Variants in GNA14 observed in about 807,000 individuals in gnomAD.
GNA14 encodes guanine nucleotide-binding protein subunit alpha-14.
A neutral mutation model predicts 42.0 loss-of-function variants in GNA14; 50 were observed. The ratio of observed to expected loss-of-function variants is 1.19; its 90% CI spans 0.95 to 1.51. The LOEUF (loss-of-function observed/expected upper bound fraction) is 1.51. GNA14 is among the 40% of genes most tolerant of loss of function. The pLI is 0.00. For synonymous variants in GNA14, 173 were observed against 163.1 expected (o/e 1.06, Z -0.46); for missense variants, 473 against 446.2 (o/e 1.06, Z -0.54).
chr9:77,582,708 C>T (rs957485450), intron 1 of GNA14, among the ~76,000 whole-genome samples: 3 of 152,196 alleles, frequency 2.0e-5, no homozygotes, highest in Non-Finnish European at 2.9e-5. Flanking sequence ...CTCCTGTCAT[C>T]GGTCTGATAT....
At chr9:77,485,351 T>C (rs562762291) in intron 2 of GNA14, among the ~76,000 whole-genome samples, 2 of 152,346 alleles carry the variant, frequency 1.3e-5, no homozygotes, top group African/African-American at 4.8e-5. Context: ...AGTTACATCT[T>C]CAGGCTCCAC....
At chr9:77,437,590 G>A (rs1022308479) in intron 2 of GNA14, among the ~76,000 whole-genome samples, 2 of 150,920 alleles carry the variant, frequency 1.3e-5, no homozygotes, top group African/African-American at 4.9e-5. Flanking sequence ...GGAAGGGAAG[G>A]GAAGGGAAGC....
chr9:77,498,037 A>C (rs1241736970), intron 2 of GNA14, among the ~76,000 whole-genome samples: 1 of 152,044 alleles, frequency 6.6e-6, no homozygotes, highest in Non-Finnish European at 1.5e-5. Flanking sequence ...AAATTAACTG[A>C]CCTCTTTGTT....
chr9:77,491,805 C>T (rs1029741463), intron 2 of GNA14, among the ~76,000 whole-genome samples: 2 of 152,282 alleles, frequency 1.3e-5, no homozygotes, highest in African/African-American at 2.4e-5. Context: ...ACACATTAGA[C>T]CAAATAGGCC....
intron 1 of GNA14, among the ~76,000 whole-genome samples, chr9:77,615,902 T>C (rs1460612228): frequency 6.6e-6 from 1 of 151,922 alleles, no homozygotes; most frequent in Admixed American, 6.6e-5. Context: ...GTAGATAACA[T>C]AGAGTCAAAG....
intron 2 of GNA14, among the ~76,000 whole-genome samples, chr9:77,473,011 C>G (rs1452344003): frequency 1.3e-5 from 2 of 152,162 alleles, no homozygotes; most frequent in African/African-American, 4.8e-5. Context: ...CTGACTAAAA[C>G]AACTAGTAAT....
chr9:77,479,678 A>C (rs1287226261), intron 2 of GNA14, among the ~76,000 whole-genome samples: 1 of 152,184 alleles, frequency 6.6e-6, no homozygotes, highest in African/African-American at 2.4e-5. Context: ...CTTCCTACTC[A>C]TGAACATGGA....
intron 1 of GNA14, among the ~76,000 whole-genome samples, chr9:77,557,015 C>T (rs1822794132): frequency 1.3e-5 from 2 of 152,160 alleles, no homozygotes; most frequent in East Asian, 1.9e-4. Flanking sequence ...TGGGTTACCA[C>T]GGTTAAGAAG....
At chr9:77,633,102 C>T (rs777780366) in intron 1 of GNA14, among the ~76,000 whole-genome samples, 6 of 152,260 alleles carry the variant, frequency 3.9e-5, no homozygotes, top group Non-Finnish European at 7.4e-5. Flanking sequence ...TCTCTACACT[C>T]ATAAAATTTA....
chr9:77,608,718 A>T (rs936477700), intron 1 of GNA14, among the ~76,000 whole-genome samples: 4 of 143,680 alleles, frequency 2.8e-5, no homozygotes, highest in African/African-American at 1.0e-4. Context: ...ACAATGTACG[A>T]AGCCCAATAT....
chr9:77,428,222 G>A (rs1454654996), intron 5 of GNA14, among the ~76,000 whole-genome samples: 1 of 151,826 alleles, frequency 6.6e-6, no homozygotes, highest in African/African-American at 2.4e-5. Context: ...GGGACTACAG[G>A]CGCCCACCAC....
chr9:77,473,696 C>G (rs368471378), intron 2 of GNA14, among the ~76,000 whole-genome samples: 9 of 141,448 alleles, frequency 6.4e-5, no homozygotes, highest in African/African-American at 2.4e-4. Flanking sequence ...ATAGCCAAAA[C>G]AAGGTTTTTT....
rs764737417 is a variant in GNA14 at position 77,644,437 on chromosome 9, C to CAAAAAAAAAAAAAAAAAAAAAAAA, written c.124+3209_124+3232dup. ...TACTGAACTCCAACCTAAAGAGTGT[C>CAAAAAAAAAAAAAAAAAAAAAAAA]AAAAAAAAAAAAAAAAAAAAAAAAA... On this transcript the variant is annotated intron_variant, in intron 1 of 6. Coordinates refer to ENST00000341700, the MANE Select transcript of GNA14 (RefSeq NM_004297.4). Among the ~76,000 whole-genome samples the CAAAAAAAAAAAAAAAAAAAAAAAA allele has an allele frequency of 7.3e-4, 25 of 34,022 alleles. 2 individuals carry two copies. Among genetic ancestry groups the CAAAAAAAAAAAAAAAAAAAAAAAA allele is most frequent in the South Asian group, 1.7e-3 (1 of 576 alleles). 22.3% of individuals were successfully genotyped at this position (34,022 alleles called of 152,430 possible). A position where few individuals can be genotyped will look rare whatever the true frequency, so the allele number is the denominator to read the frequency against.
intron 5 of GNA14, among the ~76,000 whole-genome samples, chr9:77,427,095 A>C (rs888154172): frequency 6.6e-6 from 1 of 152,222 alleles, no homozygotes; most frequent in Non-Finnish European, 1.5e-5. Flanking sequence ...GATATAATAC[A>C]TATCTACAAC....
At chr9:77,493,695 C>CT (rs1836824998) in intron 2 of GNA14, among the ~76,000 whole-genome samples, 1 of 152,016 alleles carries the variant, frequency 6.6e-6, no homozygotes, top group African/African-American at 2.4e-5. Flanking sequence ...ACAATGTTCT[C>CT]TTTTTTTAAC....
intron 4 of GNA14, among the ~76,000 whole-genome samples, chr9:77,430,508 A>T (rs1201283067): frequency 6.6e-6 from 1 of 152,190 alleles, no homozygotes; most frequent in Non-Finnish European, 1.5e-5. Context: ...AAAATCAGGG[A>T]TATGCTAATA....
chr9:77,592,771 C>T (rs941728667), intron 1 of GNA14, among the ~76,000 whole-genome samples: 8 of 152,148 alleles, frequency 5.3e-5, no homozygotes, highest in African/African-American at 1.7e-4. Flanking sequence ...TCACTGGTCT[C>T]CTTGCTGTAG....
intron 1 of GNA14, among the ~76,000 whole-genome samples, chr9:77,642,068 G>A (rs1449532239): frequency 6.6e-6 from 1 of 152,194 alleles, no homozygotes; most frequent in Non-Finnish European, 1.5e-5. Context: ...TGACTGCAAA[G>A]GCACAGGGAA....
At chr9:77,487,013 T>C (rs1172406106) in intron 2 of GNA14, among the ~76,000 whole-genome samples, 1 of 113,752 alleles carries the variant, frequency 8.8e-6, no homozygotes, top group African/African-American at 3.8e-5. Flanking sequence ...AAACCTTCAA[T>C]TTGTTAAAAA....
Sources: gnomAD v4.1 joint callset for allele counts (sites outside exome capture counted in the v4.1 genomes callset) on GRCh38, gnomAD v4.1.1 for gene constraint, MANE v1.5 for transcripts, NCBI Gene and HGNC (gene_info 2026-07-23, HGNC 2026-07-21) for gene names.